The following LRRTM4 variants were observed in gnomAD, a reference collection of about 807,000 sequenced individuals.
LRRTM4 encodes leucine rich repeat transmembrane neuronal 4.
Under a neutral mutation model 47.6 loss-of-function variants are expected in LRRTM4, and 25 were observed. The ratio of observed to expected loss-of-function variants is 0.53; its 90% CI spans 0.38 to 0.73. The LOEUF is 0.73. Among genes scored for constraint, LRRTM4 ranks in the 30% least tolerant of loss-of-function variants. The pLI, the probability that LRRTM4 is intolerant of heterozygous loss-of-function variation, is 0.00. For missense variants in LRRTM4, 638 were observed against 713.4 expected, an observed-to-expected ratio of 0.89 and a Z score of 1.20; for synonymous variants, 311 against 269.5, an observed-to-expected ratio of 1.15 and a Z score of -1.51.
chr2:76,816,819 G>GTTGTTTTTTTT (rs1670910659), intron 3 of LRRTM4, among the ~76,000 whole-genome samples: 1 of 96,524 alleles, frequency 1.0e-5, no homozygotes, highest in African/African-American at 3.2e-5. Context: ...GAGGTAAAGA[G>GTTGTTTTTTTT]TTTTTTTTTT....
intron 3 of LRRTM4, among the ~76,000 whole-genome samples, chr2:77,490,181 C>T (rs189409587): frequency 1.4e-4 from 21 of 151,722 alleles, no homozygotes; most frequent in Middle Eastern, 3.4e-3. Context: ...ACTCAGGATG[C>T]GAAAGTTGCA....
intron 3 of LRRTM4, among the ~76,000 whole-genome samples, chr2:76,783,269 ATCCACCTT>A (rs1365672614): frequency 6.6e-6 from 1 of 152,206 alleles, no homozygotes; most frequent in Non-Finnish European, 1.5e-5. Context: ...ATATCTGGGA[ATCCACCTT>A]TCCATACATG....
intron 3 of LRRTM4, among the ~76,000 whole-genome samples, chr2:77,227,918 T>A (rs1674858206): frequency 6.6e-6 from 1 of 152,084 alleles, no homozygotes; most frequent in Non-Finnish European, 1.5e-5. Flanking sequence ...AAATGAGATA[T>A]CATAAGACTA....
Position 77,217,676 on chromosome 2 carries a change from A to T in LRRTM4, c.1551+300642T>A, listed in dbSNP as rs1461343613. On this transcript the variant is annotated intron_variant, in intron 3 of 3. Coordinates refer to ENST00000409884, the MANE Select transcript of LRRTM4 (RefSeq NM_001134745.3). ...ACTTCTGTTTTGAGATGGTTTCTTT[A>T]TTTTCTAAGTTCTTGCATACCAATT... 3.3e-5 allele frequency among the ~76,000 whole-genome samples: 5 copies of T among 151,158 alleles called. No individual in the cohort carries two copies. The East Asian group carries it at 7.9e-4, about 24-fold the overall frequency.
At chr2:77,333,273 G>T (rs1671037871) in intron 3 of LRRTM4, among the ~76,000 whole-genome samples, 1 of 152,152 alleles carries the variant, frequency 6.6e-6, no homozygotes, top group South Asian at 2.1e-4. Context: ...CAAAAATTTG[G>T]AAACAACTTT....
intron 3 of LRRTM4, among the ~76,000 whole-genome samples, chr2:77,150,124 G>A (rs940479897): frequency 4.0e-5 from 6 of 151,756 alleles, no homozygotes; most frequent in Non-Finnish European, 7.4e-5. Context: ...AGAAGCAGAG[G>A]TCGGTTGTTA....
intron 3 of LRRTM4, among the ~76,000 whole-genome samples, chr2:77,476,082 G>C (rs994260675): frequency 6.6e-6 from 1 of 151,942 alleles, no homozygotes; most frequent in African/African-American, 2.4e-5. Flanking sequence ...TTCTGATGCA[G>C]AAAAATTAGA....
At chr2:77,146,748 T>C (rs1026818807) in intron 3 of LRRTM4, among the ~76,000 whole-genome samples, 1 of 152,148 alleles carries the variant, frequency 6.6e-6, no homozygotes, top group African/African-American at 2.4e-5. Context: ...AGGGTGATGG[T>C]AAAAAATTCA....
At chr2:76,881,188 T>C (rs938087498) in intron 3 of LRRTM4, among the ~76,000 whole-genome samples, 1 of 152,164 alleles carries the variant, frequency 6.6e-6, no homozygotes, top group African/African-American at 2.4e-5. Context: ...AAACATCACA[T>C]CATAAATATG....
At chr2:76,934,637 G>A (rs1165090772) in intron 3 of LRRTM4, among the ~76,000 whole-genome samples, 5 of 152,132 alleles carry the variant, frequency 3.3e-5, no homozygotes, top group Non-Finnish European at 4.4e-5. Context: ...TCAGTACGAT[G>A]TCCCTGAACA....
At chr2:76,760,528 C>G (rs867739829) in intron 3 of LRRTM4, among the ~76,000 whole-genome samples, 7 of 151,920 alleles carry the variant, frequency 4.6e-5, no homozygotes, top group Admixed American at 4.6e-4. Context: ...ACAGACAGCA[C>G]GTCTGCTACT....
chr2:77,108,635 G>C (rs549078570), intron 3 of LRRTM4, among the ~76,000 whole-genome samples: 2 of 147,216 alleles, frequency 1.4e-5, no homozygotes, highest in South Asian at 2.1e-4. Context: ...CCAGGCTGGA[G>C]TGCAGTGGCG....
chr2:77,010,032 T>TA (rs1438464849), intron 3 of LRRTM4, among the ~76,000 whole-genome samples: 1 of 151,906 alleles, frequency 6.6e-6, no homozygotes, highest in Non-Finnish European at 1.5e-5. Context: ...TAATTGAATA[T>TA]ATTTATAGTA....
At chr2:77,408,946 A>G (rs746221673) in intron 3 of LRRTM4, among the ~76,000 whole-genome samples, 2 of 152,184 alleles carry the variant, frequency 1.3e-5, no homozygotes, top group African/African-American at 4.8e-5. Context: ...CTTTGCACTT[A>G]TTGAGACTAT....
At chr2:77,133,632 GTTGTGTCATAC>G (rs1671858542) in intron 3 of LRRTM4, among the ~76,000 whole-genome samples, 1 of 152,094 alleles carries the variant, frequency 6.6e-6, no homozygotes, top group African/African-American at 2.4e-5. Context: ...CAGCTGTGTA[GTTGTGTCATAC>G]TAAATTATAT....
chr2:77,028,444 G>A (rs981711649), intron 3 of LRRTM4, among the ~76,000 whole-genome samples: 1 of 152,070 alleles, frequency 6.6e-6, no homozygotes, highest in Non-Finnish European at 1.5e-5. Flanking sequence ...TCCCAAGAGA[G>A]TATAAAGATA....
chr2:76,970,463 C>CT (rs1265902231), intron 3 of LRRTM4, among the ~76,000 whole-genome samples: 4 of 151,958 alleles, frequency 2.6e-5, no homozygotes, highest in African/African-American at 9.7e-5. Flanking sequence ...TGTCCTTACT[C>CT]TGTAAGCATG....
intron 3 of LRRTM4, among the ~76,000 whole-genome samples, chr2:76,966,347 AAG>A (rs1466281003): frequency 3.3e-5 from 5 of 151,360 alleles, no homozygotes; most frequent in Non-Finnish European, 5.9e-5. Context: ...AGAGAAAGAA[AAG>A]AGAGACAGCA....
chr2:76,999,013 G>C (rs1301890936), intron 3 of LRRTM4, among the ~76,000 whole-genome samples: 1 of 152,044 alleles, frequency 6.6e-6, no homozygotes, highest in South Asian at 2.1e-4. Context: ...AGAGAGCTGA[G>C]TGCAGACTCC....
Sources: gnomAD v4.1 joint callset for allele counts (sites outside exome capture counted in the v4.1 genomes callset) on GRCh38, gnomAD v4.1.1 for gene constraint, MANE v1.5 for transcripts, NCBI Gene and HGNC (gene_info 2026-07-23, HGNC 2026-07-21) for gene names.